The following KIAA0825 variants were observed in gnomAD, a reference collection of about 807,000 sequenced individuals.
KIAA0825 encodes the protein uncharacterized protein KIAA0825.
A neutral mutation model predicts 147.6 loss-of-function variants in KIAA0825; 119 were observed. The observed-to-expected ratio is 0.81, with a 90% CI of 0.69 to 0.94. KIAA0825 has a LOEUF of 0.94. KIAA0825 is among the 40% of genes least tolerant of loss of function. The pLI is 0.00. For synonymous variants in KIAA0825, 470 were observed against 518.1 expected, an observed-to-expected ratio of 0.91 and a Z score of 1.26; for missense variants, 1,381 against 1,472.7, an observed-to-expected ratio of 0.94 and a Z score of 1.02.
At chr5:94,458,129 T>C (rs1369407569) in intron 12 of KIAA0825, among the ~76,000 whole-genome samples, 4 of 152,184 alleles carry the variant, frequency 2.6e-5, no homozygotes, top group Non-Finnish European at 4.4e-5. Context: ...TTCAAGATTT[T>C]AAACAGAATT....
intron 7 of KIAA0825, among the ~76,000 whole-genome samples, chr5:94,474,905 C>A (rs998224224): frequency 6.6e-6 from 1 of 152,020 alleles, no homozygotes; most frequent in Non-Finnish European, 1.5e-5. Flanking sequence ...CTGGCTAACA[C>A]GGTGAAACCC....
chr5:94,313,126 G>A (rs1483321528), intron 20 of KIAA0825, among the ~76,000 whole-genome samples: 1 of 151,530 alleles, frequency 6.6e-6, no homozygotes, highest in Non-Finnish European at 1.5e-5. Flanking sequence ...AATGTATTAG[G>A]AGTCTACTTT....
At chr5:94,323,384 A>G (rs1395641843) in intron 20 of KIAA0825, among the ~76,000 whole-genome samples, 1 of 151,922 alleles carries the variant, frequency 6.6e-6, no homozygotes, top group Non-Finnish European at 1.5e-5. Flanking sequence ...TACAGAGACA[A>G]TTCCTAAGTT....
At chr5:94,332,835 C>T (rs531471915) in intron 20 of KIAA0825, among the ~76,000 whole-genome samples, 9 of 152,232 alleles carry the variant, frequency 5.9e-5, no homozygotes, top group Non-Finnish European at 1.0e-4. Flanking sequence ...AACTAATTTA[C>T]ACTCCCACCA....
chr5:94,490,088 G>A (rs1039741306), intron 5 of KIAA0825, among the ~76,000 whole-genome samples: 3 of 152,072 alleles, frequency 2.0e-5, no homozygotes, highest in African/African-American at 7.2e-5. Context: ...AAGAGGAACT[G>A]CTGTTAGGAA....
intron 18 of KIAA0825, among the ~76,000 whole-genome samples, chr5:94,388,030 A>G (rs308209): frequency 0.79 from 119,801 of 152,182 alleles, 48,068 homozygotes; most frequent in African/African-American, 0.94. Context: ...CAATCTTTTT[A>G]GCACCAGGGA....
At chr5:94,407,134 GC>G (rs767580371) in intron 15 of KIAA0825, among the ~76,000 whole-genome samples, 5 of 152,172 alleles carry the variant, frequency 3.3e-5, no homozygotes, top group Admixed American at 6.5e-5. Context: ...GAATATCTCT[GC>G]CATACTCCTG....
chr5:94,190,139 T>C (rs1770532410), intron 20 of KIAA0825, among the ~76,000 whole-genome samples: 1 of 152,238 alleles, frequency 6.6e-6, no homozygotes, highest in Non-Finnish European at 1.5e-5. Context: ...TCCTGCAATC[T>C]TGCTAAATTT....
At chr5:94,563,964 C>T (rs1045010002) in intron 2 of KIAA0825, among the ~76,000 whole-genome samples, 5 of 152,130 alleles carry the variant, frequency 3.3e-5, no homozygotes, top group Non-Finnish European at 5.9e-5. Context: ...GGATTACAGG[C>T]GTGAGCCATA....
At chr5:94,547,736 C>CAAAAAAAAAAAAAAAAAA (rs144612994) in intron 2 of KIAA0825, among the ~76,000 whole-genome samples, 3 of 127,622 alleles carry the variant, frequency 2.4e-5, no homozygotes, top group Non-Finnish European at 1.6e-5. Flanking sequence ...GACTCCCTTT[C>CAAAAAAAAAAAAAAAAAA]AAAAAAAAAA....
intron 20 of KIAA0825, among the ~76,000 whole-genome samples, chr5:94,332,138 G>A (rs1304464787): frequency 6.8e-6 from 1 of 146,124 alleles, no homozygotes; most frequent in East Asian, 2.0e-4. Flanking sequence ...TCCAGCCTGG[G>A]CGACAGACTG....
chr5:94,400,056 A>C (rs1219889456), intron 16 of KIAA0825, among the ~76,000 whole-genome samples: 1 of 152,106 alleles, frequency 6.6e-6, no homozygotes, highest in Non-Finnish European at 1.5e-5. Flanking sequence ...CCACTACACA[A>C]ACACATATAG....
chr5:94,541,410 G>T (rs1047279914), intron 2 of KIAA0825, among the ~76,000 whole-genome samples: 2 of 152,224 alleles, frequency 1.3e-5, no homozygotes, highest in Non-Finnish European at 2.9e-5. Context: ...TATGCTTTTG[G>T]TAAAAGATTA....
At chr5:94,452,779 T>C (rs1758581702) in intron 13 of KIAA0825, among the ~76,000 whole-genome samples, 180 bp downstream of exon 13, 1 of 152,212 alleles carries the variant, frequency 6.6e-6, no homozygotes, top group South Asian at 2.1e-4. Flanking sequence ...ATGAGGCCCA[T>C]GCCTTTGATT....
chr5:94,265,733 G>A (rs1583987396), intron 20 of KIAA0825, among the ~76,000 whole-genome samples: 2 of 152,096 alleles, frequency 1.3e-5, no homozygotes, highest in Non-Finnish European at 2.9e-5. Flanking sequence ...CCCGGGAGGC[G>A]GAGGTTGCAG....
intron 1 of KIAA0825, among the ~76,000 whole-genome samples, chr5:94,614,264 A>C (rs1389736988): frequency 6.6e-6 from 1 of 152,188 alleles, no homozygotes; most frequent in Non-Finnish European, 1.5e-5. Context: ...TACAGAGAAA[A>C]ATCATAAGTT....
chr5:94,468,550 G>A (rs556958606), intron 10 of KIAA0825, among the ~76,000 whole-genome samples: 35 of 152,148 alleles, frequency 2.3e-4, no homozygotes, highest in Non-Finnish European at 4.6e-4. Flanking sequence ...TTTGAAGTAT[G>A]TCAGGTTTGG....
At chr5:94,494,288 C>CTCT (rs1464020655) in intron 5 of KIAA0825, among the ~76,000 whole-genome samples, 1 of 147,832 alleles carries the variant, frequency 6.8e-6, no homozygotes, top group Non-Finnish European at 1.5e-5. Flanking sequence ...GGGTATAATA[C>CTCT]TCTTGTCCCT....
intron 1 of KIAA0825, among the ~76,000 whole-genome samples, chr5:94,609,074 C>A (rs1056363079): frequency 1.3e-5 from 2 of 152,152 alleles, no homozygotes; most frequent in Non-Finnish European, 2.9e-5. Flanking sequence ...TTCTACACTG[C>A]AACTAAATTT....
Sources: gnomAD v4.1 joint callset for allele counts (sites outside exome capture counted in the v4.1 genomes callset) on GRCh38, gnomAD v4.1.1 for gene constraint, MANE v1.5 for transcripts, NCBI Gene and HGNC (gene_info 2026-07-23, HGNC 2026-07-21) for gene names.